The following ABCB1 variants were observed in gnomAD, a reference collection of about 807,000 sequenced individuals.
The protein encoded by ABCB1 is ATP-dependent translocase ABCB1.
In ABCB1, 69 loss-of-function variants were observed where a neutral mutation model predicts 142.0. The observed-to-expected ratio is 0.49, with a 90% CI of 0.40 to 0.59. The LOEUF is 0.59. Ranked by LOEUF, ABCB1 falls within the 20% of genes least tolerant of loss-of-function variation. ABCB1 has a pLI of 0.00. For missense variants in ABCB1, 1,326 were observed against 1,554.7 expected (o/e 0.85, Z 2.47); for synonymous variants, 532 against 539.2 (o/e 0.99, Z 0.18).
rs1433450455 is a variant in ABCB1 at position 87,621,234 on chromosome 7, C to T, written c.-330-20156G>A. On this transcript the variant is annotated intron_variant, in intron 1 of 28. Transcript: ENST00000265724. Reference sequence around the variant, plus strand: ...TCTGAAAGAGAATAATTAGGGAACACTAACCTTACGAGATGTTAAAAATAA... The same window carrying T: ...TCTGAAAGAGAATAATTAGGGAACATTAACCTTACGAGATGTTAAAAATAA... Among the ~76,000 whole-genome samples, 10 of 152,208 alleles carry T rather than the reference C, an allele frequency of 6.6e-5. No homozygotes were observed. The East Asian group carries it at 1.9e-3, about 29-fold the overall frequency.
chr7:87,675,427 G>C (rs553880320), intron 1 of ABCB1, among the ~76,000 whole-genome samples: 1 of 152,180 alleles, frequency 6.6e-6, no homozygotes, highest in South Asian at 2.1e-4. Flanking sequence ...AAAGCTGAAG[G>C]CATTATGCTT....
chr7:87,676,573 G>A (rs1391235513), intron 1 of ABCB1, among the ~76,000 whole-genome samples: 1 of 151,574 alleles, frequency 6.6e-6, no homozygotes, highest in Non-Finnish European at 1.5e-5. Flanking sequence ...GTATAGTGGT[G>A]TATGCCTGTA....
chr7:87,577,427 G>A (rs1006073532), intron 4 of ABCB1, among the ~76,000 whole-genome samples: 1 of 152,092 alleles, frequency 6.6e-6, no homozygotes, highest in African/African-American at 2.4e-5. Flanking sequence ...TATTTCCCCA[G>A]CAGAGGGATA....
intron 1 of ABCB1, among the ~76,000 whole-genome samples, chr7:87,607,232 T>C (rs1326283643): frequency 1.3e-5 from 2 of 152,112 alleles, no homozygotes; most frequent in African/African-American, 2.4e-5. Flanking sequence ...ATTGAGAAGA[T>C]CAAAGCCCTG....
chr7:87,574,582 A>G (rs1289058575), intron 4 of ABCB1, among the ~76,000 whole-genome samples: 1 of 152,100 alleles, frequency 6.6e-6, no homozygotes, highest in Non-Finnish European at 1.5e-5. Context: ...CCTGGCTGTA[A>G]GCACACCGAA....
chr7:87,700,880 A>C (rs1828973545), intron 1 of ABCB1, among the ~76,000 whole-genome samples: 2 of 152,244 alleles, frequency 1.3e-5, no homozygotes, highest in Admixed American at 1.3e-4. Context: ...TGGTGGATAA[A>C]ACTGTTGGAA....
At chr7:87,639,052 T>C (rs889502602) in intron 1 of ABCB1, among the ~76,000 whole-genome samples, 2 of 147,874 alleles carry the variant, frequency 1.4e-5, no homozygotes, top group Admixed American at 1.4e-4. Flanking sequence ...CTCCGGAGGC[T>C]GAGGCAGGAG....
At chr7:87,628,586 T>TGTGC (rs1554445695) in intron 1 of ABCB1, 1 of 15,916 alleles carries the variant, frequency 6.3e-5, no homozygotes. Context: ...CGTGCGTGCG[T>TGTGC]GTGTGTGTGT....
rs1817986114 is a variant in ABCB1, at chr7:87,570,213, A to G, written c.297T>C (p.Asn99=). 1 of 1,613,030 alleles carries G rather than the reference A, an allele frequency of 6.2e-7. No individual in the cohort carries two copies. The highest frequency in any genetic ancestry group is 8.5e-7 in the Non-Finnish European group (1 of 1,179,454). The change falls in exon 5 of 28, where the codon AAT becomes AAC. Residue 99 remains asparagine, a synonymous_variant. Coordinates refer to ENST00000622132, the MANE Select transcript of ABCB1 (RefSeq NM_001348946.2). ...CCAGATTCATGAAGAACCCTGTATC[A>G]TTGATATCACCTAGACCACCACAAA... ...MSNITNRSDI[N]DTGFFMNLEE...
In ABCB1 at chr7:87,614,839, G is replaced by GT. The variant is rs398067053; in HGVS notation, c.-330-13762dup. 1.1e-3 allele frequency among the ~76,000 whole-genome samples: 166 copies of GT among 149,840 alleles called. 1 individual carries two copies. Among genetic ancestry groups the GT allele is most frequent in the Middle Eastern group, 7.0e-3 (2 of 286 alleles). On this transcript the variant is annotated intron_variant, in intron 1 of 28. Transcript: ENST00000265724. ...TTTGTTTGTTTTTGTGTGTGTAGGT[G>GT]TTTTTTTTTGGTGGGGGGGGCCGGG...
At chr7:87,519,231 A>C (rs1815378783) in intron 23 of ABCB1, 95 bp downstream of exon 23, 5 of 1,247,416 alleles carry the variant, frequency 4.0e-6, no homozygotes, top group Non-Finnish European at 5.8e-6. Context: ...GAATCTCTTC[A>C]TGAGGCTTCA....
At chr7:87,552,664 A>C (rs1817126623) in intron 9 of ABCB1, among the ~76,000 whole-genome samples, 1 of 150,702 alleles carries the variant, frequency 6.6e-6, no homozygotes, top group South Asian at 2.1e-4. Context: ...AAAAAACTTC[A>C]TGGGAAAAGC....
chr7:87,639,404 A>T (rs1822203754), intron 1 of ABCB1, among the ~76,000 whole-genome samples: 1 of 152,116 alleles, frequency 6.6e-6, no homozygotes. Context: ...TATGTCAGTT[A>T]AGTCTAGTGT....
intron 1 of ABCB1, among the ~76,000 whole-genome samples, chr7:87,674,557 T>G (rs1826135455): frequency 6.6e-6 from 1 of 150,960 alleles, no homozygotes; most frequent in Non-Finnish European, 1.5e-5. Flanking sequence ...CAGTGGGGAG[T>G]CAGGGCATGG....
chr7:87,658,564 A>G (rs28746492), intron 1 of ABCB1, among the ~76,000 whole-genome samples: 7,297 of 152,266 alleles, frequency 0.048, 256 homozygotes, highest in African/African-American at 0.081. Flanking sequence ...GAAAAATTCA[A>G]ATAAATTCAT....
intron 1 of ABCB1, among the ~76,000 whole-genome samples, chr7:87,609,140 CAG>C (rs1205510969): frequency 1.3e-5 from 2 of 152,076 alleles, no homozygotes; most frequent in East Asian, 3.9e-4. Flanking sequence ...CGGTGAAAAA[CAG>C]AGCAGGGGAA....
At chr7:87,618,349 T>C (rs1820095745) in intron 1 of ABCB1, among the ~76,000 whole-genome samples, 1 of 152,168 alleles carries the variant, frequency 6.6e-6, no homozygotes, top group South Asian at 2.1e-4. Flanking sequence ...TATAGCATAG[T>C]GTCTGTCACT....
At chr7:87,703,885 C>CTTTTTTT in intron 1 of ABCB1, among the ~76,000 whole-genome samples, 181 of 60,228 alleles carry the variant, frequency 3.0e-3, no homozygotes, top group African/African-American at 3.4e-3. Flanking sequence ...TCAGTTTTTT[C>CTTTTTTT]TTTTTTTTTT....
At chr7:87,692,423 C>T (rs1166412494) in intron 1 of ABCB1, among the ~76,000 whole-genome samples, 4 of 152,186 alleles carry the variant, frequency 2.6e-5, no homozygotes, top group Non-Finnish European at 5.9e-5. Flanking sequence ...CATCACTGAG[C>T]TCCAGCCAGG....
Sources: gnomAD v4.1 joint callset for allele counts (sites outside exome capture counted in the v4.1 genomes callset) on GRCh38, gnomAD v4.1.1 for gene constraint, MANE v1.5 for transcripts, NCBI Gene and HGNC (gene_info 2026-07-23, HGNC 2026-07-21) for gene names.